Variants in ALPK1 observed in about 807,000 individuals in gnomAD.
ALPK1 encodes alpha kinase 1.
A neutral mutation model predicts 120.6 loss-of-function variants in ALPK1; 110 were observed. The ratio of observed to expected loss-of-function variants is 0.91; its 90% CI spans 0.78 to 1.07. The LOEUF is 1.07. Ranked by LOEUF, ALPK1 falls within the 50% of genes least tolerant of loss-of-function variation. The pLI, the probability that ALPK1 is intolerant of heterozygous loss-of-function variation, is 0.00. For synonymous variants in ALPK1, 582 were observed against 560.3 expected, an observed-to-expected ratio of 1.04 and a Z score of -0.55; for missense variants, 1,498 against 1,483.9, an observed-to-expected ratio of 1.01 and a Z score of -0.16.
chr4:112,433,128 C>A (rs1000220350), intron 11 of ALPK1, among the ~76,000 whole-genome samples: 4 of 152,174 alleles, frequency 2.6e-5, no homozygotes, highest in Non-Finnish European at 5.9e-5. Context: ...ACCTGTCTAC[C>A]TAAGCGGTTT....
chr4:112,357,905 G>T (rs183817893), intron 2 of ALPK1: 2 of 1,133,822 alleles, frequency 1.8e-6, no homozygotes, highest in Admixed American at 1.8e-5. Context: ...AGGAGCAAAG[G>T]CAGCTTCTCT....
chr4:112,301,945 A>C (rs1727805540), intron 1 of ALPK1, among the ~76,000 whole-genome samples: 1 of 152,058 alleles, frequency 6.6e-6, no homozygotes, highest in African/African-American at 2.4e-5. Flanking sequence ...CTTTGTGGAC[A>C]ACTGAACCTT....
At chr4:112,413,340 G>T (rs1268873529) in intron 5 of ALPK1, among the ~76,000 whole-genome samples, 1 of 152,212 alleles carries the variant, frequency 6.6e-6, no homozygotes, top group Non-Finnish European at 1.5e-5. Flanking sequence ...GTGTGACATG[G>T]AAATTGAGAT....
chr4:112,429,646 C>T (rs1173645115), intron 10 of ALPK1, among the ~76,000 whole-genome samples: 2 of 152,054 alleles, frequency 1.3e-5, no homozygotes, highest in Admixed American at 6.5e-5. Flanking sequence ...CTAGCCTGAG[C>T]AACATGGTGA....
At chr4:112,364,452 G>T (rs1300375940) in intron 2 of ALPK1, among the ~76,000 whole-genome samples, 1 of 151,816 alleles carries the variant, frequency 6.6e-6, no homozygotes, top group African/African-American at 2.4e-5. Context: ...GCATAAACTA[G>T]AAAACCTAGA....
rs180675985 is a variant in ALPK1 at position 112,356,620 on chromosome 4, G to A, written c.-100-21058G>A. The A allele has an allele frequency of 2.7e-4, 215 of 785,446 alleles. No homozygotes were observed. In the African/African-American group the frequency reaches 3.3e-3, roughly 12 times the overall value. 48.7% of individuals were successfully genotyped at this position (785,446 alleles called of 1,614,324 possible). ...AACCACATGAAGATCCACTTGTGCC[G>A]CAAGAAGATGGCAAGTCGCTCTGTC... On this transcript the variant is annotated intron_variant, in intron 2 of 15. Coordinates refer to ENST00000650871, the MANE Select transcript of ALPK1 (RefSeq NM_025144.4).
rs1733483181 is a variant in ALPK1, at chr4:112,411,829, G to A, written c.279G>A (p.Ala93=). The A allele has an allele frequency of 1.2e-6, 2 of 1,609,992 alleles. No homozygotes were observed. The highest frequency in any genetic ancestry group is 1.1e-5 in the South Asian group (1 of 90,430). The change falls in exon 5 of 16, where the codon GCG becomes GCA. Residue 93 remains alanine (A), a splice_region_variant and synonymous_variant. Transcript: ENST00000650871. ...VIGAGLQQLL[A]SLRASILARD... is the part of the protein sequence containing the mutation. ...GATGTTCCACGCTGTTCCTCCAGGC[G>A]TCCCTGAGGGCCTCCATCCTCGCTC...
intron 2 of ALPK1, among the ~76,000 whole-genome samples, chr4:112,370,773 T>C (rs1484521533): frequency 6.6e-6 from 1 of 152,236 alleles, no homozygotes; most frequent in Non-Finnish European, 1.5e-5. Context: ...ATGCTGTGAC[T>C]TTCAAAAAGT....
chr4:112,373,279 G>A (rs1469117156), intron 2 of ALPK1, among the ~76,000 whole-genome samples: 3 of 152,136 alleles, frequency 2.0e-5, no homozygotes, highest in Admixed American at 1.3e-4. Context: ...GCTCACTGCG[G>A]TACTCAGAAG....
intron 2 of ALPK1, among the ~76,000 whole-genome samples, chr4:112,373,379 G>A (rs1400670676): frequency 6.6e-6 from 1 of 152,176 alleles, no homozygotes; most frequent in East Asian, 1.9e-4. Context: ...TTCCTAGGTA[G>A]GCAGGCTAAT....
chr4:112,323,375 C>A (rs1442329685), intron 2 of ALPK1, among the ~76,000 whole-genome samples: 3 of 152,132 alleles, frequency 2.0e-5, no homozygotes, highest in African/African-American at 4.8e-5. Flanking sequence ...TTATTTCAGA[C>A]CTATTTGCCT....
intron 2 of ALPK1, among the ~76,000 whole-genome samples, chr4:112,330,159 C>A (rs925291230): frequency 2.0e-5 from 3 of 152,140 alleles, no homozygotes; most frequent in Non-Finnish European, 4.4e-5. Context: ...TTCTGAGCTT[C>A]CAGACAACCA....
At chr4:112,332,739 A>G (rs561551093) in intron 2 of ALPK1, among the ~76,000 whole-genome samples, 1 of 152,304 alleles carries the variant, frequency 6.6e-6, no homozygotes, top group African/African-American at 2.4e-5. Flanking sequence ...GATTTTGTCA[A>G]ATATTCCATT....
At chr4:112,396,313 G>T (rs1363547812) in intron 4 of ALPK1, among the ~76,000 whole-genome samples, 1 of 152,156 alleles carries the variant, frequency 6.6e-6, no homozygotes, top group Non-Finnish European at 1.5e-5. Context: ...TTTGCCTGGA[G>T]ATTTTTGTAG....
At chr4:112,336,646 C>G (rs1429306818) in intron 2 of ALPK1, among the ~76,000 whole-genome samples, 1 of 152,072 alleles carries the variant, frequency 6.6e-6, no homozygotes, top group East Asian at 1.9e-4. Context: ...ATGTACTTGG[C>G]AGTTAATATT....
chr4:112,355,771 T>G (rs1311545090), intron 2 of ALPK1, among the ~76,000 whole-genome samples: 1 of 152,210 alleles, frequency 6.6e-6, no homozygotes, highest in African/African-American at 2.4e-5. Context: ...GGGTAACAGT[T>G]TCCTCCTGGA....
rs138507182 is a variant in ALPK1 at position 112,399,258 on chromosome 4, G to A, written c.277-12569G>A. On this transcript the variant is annotated intron_variant, in intron 4 of 15. Transcript: ENST00000650871. The stretch of plus-strand genomic sequence containing the variant: ...GCATGATCCAGCAAATCAGAGCAAG[G>A]AAGGGAACCAGGAGAATATGCAATG... 2.5e-3 allele frequency among the ~76,000 whole-genome samples: 387 copies of A among 152,320 alleles called. 1 individual carries two copies. Among genetic ancestry groups the A allele is most frequent in the African/African-American group, 9.0e-3 (375 of 41,572 alleles).
chr4:112,348,397 G>C (rs937000561), intron 2 of ALPK1, among the ~76,000 whole-genome samples: 1 of 152,210 alleles, frequency 6.6e-6, no homozygotes, highest in Non-Finnish European at 1.5e-5. Context: ...GCTTAGGCGC[G>C]GTGTCGAGAG....
chr4:112,350,361 G>A (rs1730298194), intron 2 of ALPK1, among the ~76,000 whole-genome samples: 1 of 152,128 alleles, frequency 6.6e-6, no homozygotes, highest in Non-Finnish European at 1.5e-5. Flanking sequence ...TCACAGCCCT[G>A]ACAATTTTAT....
Sources: gnomAD v4.1 joint callset for allele counts (sites outside exome capture counted in the v4.1 genomes callset) on GRCh38, gnomAD v4.1.1 for gene constraint, MANE v1.5 for transcripts, NCBI Gene and HGNC (gene_info 2026-07-23, HGNC 2026-07-21) for gene names.